Variants in DSE observed in about 807,000 individuals in gnomAD.
DSE encodes dermatan sulfate epimerase.
A neutral mutation model predicts 84.4 loss-of-function variants in DSE; 36 were observed. That is an observed-to-expected ratio of 0.43 (90% CI 0.33 to 0.56). The LOEUF is 0.56. Among genes scored for constraint, DSE ranks in the 20% least tolerant of loss-of-function variants. The pLI, the probability that DSE is intolerant of heterozygous loss-of-function variation, is 0.06. For missense variants in DSE, 862 were observed against 1,169.6 expected (o/e 0.74, Z 3.84); for synonymous variants, 410 against 430.1 (o/e 0.95, Z 0.58).
At chr6:116,288,992 G>A (rs1774111157) in intron 2 of DSE, among the ~76,000 whole-genome samples, 1 of 151,998 alleles carries the variant, frequency 6.6e-6, no homozygotes, top group African/African-American at 2.4e-5. Flanking sequence ...CTTATCCACT[G>A]GCTCACATAA....
chr6:116,266,712 G>A (rs1772643931), intron 2 of DSE, among the ~76,000 whole-genome samples: 1 of 152,126 alleles, frequency 6.6e-6, no homozygotes, highest in Non-Finnish European at 1.5e-5. Context: ...AAAGCTTTGT[G>A]TCAGAGTTTA....
chr6:116,395,974 A>G (rs2114986083), intron 1 of DSE, among the ~76,000 whole-genome samples: 1 of 152,336 alleles, frequency 6.6e-6, no homozygotes, highest in Admixed American at 6.5e-5. Context: ...ACTAGTGGAT[A>G]GTTTTTAGGC....
chr6:116,348,896 G>A (rs1371314463), intron 2 of DSE, among the ~76,000 whole-genome samples: 3 of 150,338 alleles, frequency 2.0e-5, no homozygotes, highest in African/African-American at 2.4e-5. Context: ...AACACCACAT[G>A]TTCTCACTCA....
chr6:116,272,167 C>G (rs1037139931), intron 2 of DSE, among the ~76,000 whole-genome samples: 1 of 152,102 alleles, frequency 6.6e-6, no homozygotes, highest in Non-Finnish European at 1.5e-5. Flanking sequence ...AGTGGTGTTC[C>G]ATTGTATGAA....
At chr6:116,258,432 GC>G in intron 1 of DSE, 1 of 733,554 alleles carries the variant, frequency 1.4e-6, no homozygotes. Flanking sequence ...TAATTTTTTT[GC>G]TTTTTTTGGT....
chr6:116,391,368 C>T (rs1780891840), intron 1 of DSE, among the ~76,000 whole-genome samples: 2 of 151,988 alleles, frequency 1.3e-5, no homozygotes, highest in African/African-American at 2.4e-5. Flanking sequence ...CCTTCAGCAG[C>T]GTGTGCAAAT....
At chr6:116,383,635 G>A (rs1780387986) in intron 1 of DSE, among the ~76,000 whole-genome samples, 1 of 152,082 alleles carries the variant, frequency 6.6e-6, no homozygotes, top group South Asian at 2.1e-4. Flanking sequence ...TACCTATTAA[G>A]CACCTTTCAT....
chr6:116,259,384 C>A, intron 2 of DSE: 1 of 256,690 alleles, frequency 3.9e-6, no homozygotes, highest in Non-Finnish European at 7.4e-6. Flanking sequence ...ACATAAGCAG[C>A]AATGCTCTTC....
At chr6:116,417,598 G>C (rs982617364) in intron 2 of DSE, among the ~76,000 whole-genome samples, 4 of 152,060 alleles carry the variant, frequency 2.6e-5, no homozygotes, top group African/African-American at 9.7e-5. Context: ...ATGAAATTAA[G>C]TGGTAATGTA....
At chr6:116,266,262 C>A (rs1230689195) in intron 2 of DSE, among the ~76,000 whole-genome samples, 1 of 152,202 alleles carries the variant, frequency 6.6e-6, no homozygotes, top group Admixed American at 6.5e-5. Flanking sequence ...GGCTGTTAGT[C>A]TTGCCGACAT....
At chr6:116,414,419 ATT>A (rs34170360) in intron 2 of DSE, among the ~76,000 whole-genome samples, 11 of 150,478 alleles carry the variant, frequency 7.3e-5, no homozygotes, top group Admixed American at 2.0e-4. Flanking sequence ...GTGTTTGCTC[ATT>A]TTTTTTTTTA....
In DSE at chr6:116,439,180, GAAAA is replaced by G. The variant is rs776588503; in HGVS notation, c.*1842_*1845del. On this transcript the variant is annotated 3_prime_UTR_variant, in exon 6 of 6. Transcript: ENST00000644252. ...AAATGATCAAAAGGAAATTTTGAAA[GAAAA>G]AAAAAAGGAAAATTATTCTTTGAGG... 1.4e-5 allele frequency: 2 copies of G among 146,314 alleles called. No individual in the cohort carries two copies. The highest frequency in any genetic ancestry group is 3.0e-5 in the Non-Finnish European group (2 of 66,172). 9.1% of individuals were successfully genotyped at this position (146,314 alleles called of 1,614,324 possible).
Position 116,437,808 on chromosome 6 carries a change from T to A in DSE, c.*463T>A, listed in dbSNP as rs1288750617. 6.5e-6 allele frequency: 1 copy of A among 152,766 alleles called. No homozygotes were observed. Among genetic ancestry groups the A allele is most frequent in the Non-Finnish European group, 1.5e-5 (1 of 68,528 alleles). 9.5% of individuals were successfully genotyped at this position (152,766 alleles called of 1,614,324 possible). A position where few individuals can be genotyped will look rare whatever the true frequency, so the allele number is the denominator to read the frequency against. Reference sequence around the variant, plus strand: ...TGGTATACTCATGTTGAAAGATAAATGTTGCTAAGTCCTGGTATGATGGTG... The same window carrying A: ...TGGTATACTCATGTTGAAAGATAAAAGTTGCTAAGTCCTGGTATGATGGTG... On this transcript the variant is annotated 3_prime_UTR_variant, in exon 6 of 6. Coordinates refer to ENST00000644252, the MANE Select transcript of DSE (RefSeq NM_013352.4).
intron 2 of DSE, chr6:116,279,389 C>T (rs766002611): frequency 1.9e-6 from 3 of 1,612,912 alleles, no homozygotes; most frequent in African/African-American, 2.7e-5. Flanking sequence ...TCAGCCTCCG[C>T]CCCCGCCGTC....
intron 1 of DSE, among the ~76,000 whole-genome samples, chr6:116,392,978 C>T (rs760636400): frequency 9.9e-5 from 15 of 152,148 alleles, no homozygotes; most frequent in Non-Finnish European, 2.2e-4. Context: ...CTGAGGTTAA[C>T]CTATCCGCCT....
At chr6:116,342,720 C>G (rs1165343375) in intron 2 of DSE, among the ~76,000 whole-genome samples, 1 of 152,196 alleles carries the variant, frequency 6.6e-6, no homozygotes, top group Non-Finnish European at 1.5e-5. Context: ...AGGAATAGCT[C>G]CAGTCTACAG....
In DSE at chr6:116,443,232, G is replaced by A. The variant is rs1007756204; in HGVS notation, c.*5887G>A. 2 of 152,204 alleles carry A rather than the reference G, an allele frequency of 1.3e-5. No homozygotes were observed. Among genetic ancestry groups the A allele is most frequent in the African/African-American group, 4.8e-5 (2 of 41,446 alleles). 9.4% of individuals were successfully genotyped at this position (152,204 alleles called of 1,614,324 possible). A position where few individuals can be genotyped will look rare whatever the true frequency, so the allele number is the denominator to read the frequency against. ...GTGTGGCCAAAGGAATGAATATTTT[G>A]TGGAAGTATTGATCAGAAAGATAAT... On this transcript the variant is annotated 3_prime_UTR_variant, in exon 6 of 6. Transcript: ENST00000644252.
At chr6:116,351,728 T>C (rs1778321466) in intron 2 of DSE, among the ~76,000 whole-genome samples, 1 of 152,218 alleles carries the variant, frequency 6.6e-6, no homozygotes, top group South Asian at 2.1e-4. Flanking sequence ...CTCAACTTTA[T>C]CAACTTAGTT....
rs1784362751 is a variant in DSE, at chr6:116,439,561, T to G, written c.*2216T>G. On this transcript the variant is annotated 3_prime_UTR_variant, in exon 6 of 6. Transcript: ENST00000644252. ...TCACCCCTCTTCATAATGAAACATG[T>G]TTTTTTTAATCAGGGATAGTGCATA... The G allele has an allele frequency of 6.6e-6, 1 of 151,856 alleles. No homozygotes were observed. The highest frequency in any genetic ancestry group is 2.4e-5 in the African/African-American group (1 of 41,344). 9.4% of individuals were successfully genotyped at this position (151,856 alleles called of 1,614,324 possible).
Sources: allele counts gnomAD v4.1 joint callset (sites outside exome capture counted in the v4.1 genomes callset), GRCh38; gene constraint gnomAD v4.1.1; transcripts MANE v1.5; gene names NCBI Gene and HGNC (gene_info 2026-07-23, HGNC 2026-07-21).